Variants in CD226 observed in about 807,000 individuals in gnomAD.
CD226 encodes the protein CD226 antigen.
CD226 carries 24 observed loss-of-function variants against 34.9 expected under a neutral mutation model. That is an observed-to-expected ratio of 0.69 (90% CI 0.50 to 0.97). The LOEUF (loss-of-function observed/expected upper bound fraction) is 0.97, where lower values mean the gene tolerates loss of function less well. CD226 is among the 50% of genes least tolerant of loss of function. The pLI is 0.00. For synonymous variants in CD226, 148 were observed against 147.4 expected (o/e 1.00, Z -0.03); for missense variants, 397 against 412.7 (o/e 0.96, Z 0.33).
intron 2 of CD226, among the ~76,000 whole-genome samples, chr18:69,942,088 A>G (rs1481933693): frequency 6.6e-6 from 1 of 152,176 alleles, no homozygotes; most frequent in Admixed American, 6.5e-5. Flanking sequence ...CCTTTTCACC[A>G]TGATTGTACG....
chr18:69,900,681 G>A (rs1259821452), intron 2 of CD226, among the ~76,000 whole-genome samples: 14 of 146,298 alleles, frequency 9.6e-5, no homozygotes, highest in African/African-American at 2.8e-4. Flanking sequence ...GCAGTGAGCC[G>A]AGATTGCGCC....
chr18:69,872,057 GGTGTGTGT>G (rs201644137), intron 4 of CD226, among the ~76,000 whole-genome samples: 13 of 143,520 alleles, frequency 9.1e-5, no homozygotes, highest in South Asian at 6.8e-4. Flanking sequence ...ATTAACAAGG[GGTGTGTGT>G]GTGTGTGTGT....
At position 69,880,357 on chromosome 18, in the gene CD226, A is replaced by AAGGAAGGAAGGAAGGAAGG. The variant is rs34896747; in HGVS notation, c.728-7112_728-7111insCCTTCCTTCCTTCCTTCCT. On this transcript the variant is annotated intron_variant, in intron 3 of 5. Coordinates refer to ENST00000582621, the MANE Select transcript of CD226 (RefSeq NM_001303618.2). ...GAAAGAAAGAAAGAAAGAAAGAAAG[A>AAGGAAGGAAGGAAGGAAGG]AAGGAAGGAAGGAAGGAAGGAAGGG... 1.2e-3 allele frequency among the ~76,000 whole-genome samples: 112 copies of AAGGAAGGAAGGAAGGAAGG among 89,648 alleles called. 1 individual carries two copies. The highest frequency in any genetic ancestry group is 6.6e-3 in the South Asian group (15 of 2,272). 58.8% of individuals were successfully genotyped at this position (89,648 alleles called of 152,430 possible).
intron 3 of CD226, among the ~76,000 whole-genome samples, chr18:69,876,990 A>C (rs1983912760): frequency 6.7e-6 from 1 of 148,470 alleles, no homozygotes; most frequent in South Asian, 2.1e-4. Context: ...CAGCCTCCTG[A>C]GTAGCTGGGA....
chr18:69,867,801 A>G (rs1471133516), intron 4 of CD226, among the ~76,000 whole-genome samples: 3 of 151,274 alleles, frequency 2.0e-5, no homozygotes, highest in Non-Finnish European at 4.4e-5. Flanking sequence ...CTTGGATGAC[A>G]ATATAATGAA....
chr18:69,889,991 T>C (rs986922542), intron 3 of CD226, among the ~76,000 whole-genome samples: 1 of 152,240 alleles, frequency 6.6e-6, no homozygotes, highest in African/African-American at 2.4e-5. Context: ...CTGAAAGTTA[T>C]ATATGTAAAC....
At chr18:69,868,301 A>G (rs756117296) in intron 4 of CD226, among the ~76,000 whole-genome samples, 19 of 152,224 alleles carry the variant, frequency 1.2e-4, no homozygotes, top group Non-Finnish European at 2.6e-4. Flanking sequence ...TGTTAGATAC[A>G]GAAGATACAG....
chr18:69,913,037 G>T (rs2055344173), intron 2 of CD226, among the ~76,000 whole-genome samples: 1 of 152,130 alleles, frequency 6.6e-6, no homozygotes, highest in Admixed American at 6.5e-5. Flanking sequence ...ATGACACTCT[G>T]CTTATTATGA....
At chr18:69,898,834 CT>C (rs1402045103) in intron 2 of CD226, among the ~76,000 whole-genome samples, 1 of 152,136 alleles carries the variant, frequency 6.6e-6, no homozygotes, top group Non-Finnish European at 1.5e-5. Flanking sequence ...TTGAAAAGAA[CT>C]GCCAGAAAGA....
chr18:69,947,720 G>A lies in CD226; in HGVS notation c.-314C>T, dbSNP rs540115468. 4.7e-5 allele frequency: 11 copies of A among 235,408 alleles called. No homozygotes were observed. In the East Asian group the frequency reaches 8.5e-4, roughly 18 times the overall value. The allele number at this position is 235,408 out of a possible 1,614,324, so 14.6% of individuals were successfully genotyped here. A position where few individuals can be genotyped will look rare whatever the true frequency, so the allele number is the denominator to read the frequency against. Reference sequence around the variant, plus strand: ...TGCATTCTCTGTGCCTAACTCAGCTGTAGGCAATGAGGATACAATAATACA... The same window carrying A: ...TGCATTCTCTGTGCCTAACTCAGCTATAGGCAATGAGGATACAATAATACA... On this transcript the variant is annotated 5_prime_UTR_variant, in exon 1 of 6. Coordinates refer to ENST00000582621, the MANE Select transcript of CD226 (RefSeq NM_001303618.2).
chr18:69,891,288 T>TA (rs34082832), intron 3 of CD226, among the ~76,000 whole-genome samples: 29,634 of 146,040 alleles, frequency 0.2, 3,524 homozygotes, highest in African/African-American at 0.35. Context: ...CTTGTGTGAT[T>TA]AAAAAAAAAA....
intron 1 of CD226, among the ~76,000 whole-genome samples, chr18:69,954,868 G>C (rs2055883488): frequency 6.6e-6 from 1 of 152,148 alleles, no homozygotes; most frequent in Non-Finnish European, 1.5e-5. Flanking sequence ...TCTAACCAAA[G>C]ACAAATAGAG....
rs373478897 is a variant in CD226 at position 69,857,516 on chromosome 18, T to A, written c.*6798A>T. The A allele has an allele frequency of 3.7e-4, 56 of 152,326 alleles. No individual in the cohort carries two copies. The East Asian group carries it at 7.3e-3, about 20-fold the overall frequency. The allele number at this position is 152,326 out of a possible 1,614,324, so 9.4% of individuals were successfully genotyped here. ...ACTTTTGGATACCTGGCATAAAGGA[T>A]GTAATGAATACATGATTGAATAAGG... On this transcript the variant is annotated 3_prime_UTR_variant, in exon 6 of 6. Coordinates refer to ENST00000582621, the MANE Select transcript of CD226 (RefSeq NM_001303618.2).
In CD226 at chr18:69,854,215, T is replaced by C. The variant is rs566084388; in HGVS notation, c.*10099A>G. On this transcript the variant is annotated 3_prime_UTR_variant, in exon 6 of 6. Transcript: ENST00000582621. ...TATTAGACCTATTAGAGAACCAAGG[T>C]CCTGAGCAAACTGCCACCCCAAAAT... The C allele has an allele frequency of 5.9e-5, 9 of 152,272 alleles. No homozygotes were observed. The East Asian group carries it at 1.7e-3, about 29-fold the overall frequency. 9.4% of individuals were successfully genotyped at this position (152,272 alleles called of 1,614,324 possible).
Position 69,906,112 on chromosome 18 carries a change from A to G in CD226, c.383-10067T>C, listed in dbSNP as rs150642781. 1.1e-3 allele frequency among the ~76,000 whole-genome samples: 170 copies of G among 152,316 alleles called. 1 individual carries two copies. Among genetic ancestry groups the G allele is most frequent in the African/African-American group, 3.9e-3 (162 of 41,558 alleles). On this transcript the variant is annotated intron_variant, in intron 2 of 5. Coordinates refer to ENST00000582621, the MANE Select transcript of CD226 (RefSeq NM_001303618.2). ...TTCCAGATGGCTTTGTGGAGAACAA[A>G]TAAGTACCATTTGTGATGCATGACA...
intron 2 of CD226, among the ~76,000 whole-genome samples, chr18:69,900,123 T>C (rs1353405267): frequency 6.6e-6 from 1 of 152,212 alleles, no homozygotes; most frequent in Non-Finnish European, 1.5e-5. Context: ...AGATCATATG[T>C]TTTGTGGGAA....
upstream of CD226, among the ~76,000 whole-genome samples, chr18:69,961,214 T>C (rs1271353852): frequency 2.0e-5 from 3 of 152,178 alleles, no homozygotes; most frequent in Non-Finnish European, 2.9e-5. Flanking sequence ...CCTCAAGAAT[T>C]TGTAGGATTT....
At position 69,869,619 on chromosome 18, in the gene CD226, T is replaced by C. The variant is rs1043079635; in HGVS notation, c.831-2208A>G. Among the ~76,000 whole-genome samples the C allele has an allele frequency of 6.6e-5, 10 of 152,188 alleles. No individual in the cohort carries two copies. The South Asian group carries it at 2.1e-3, about 32-fold the overall frequency. ...AAACCCCATGACACATGTTTGCCTATGTAACAAACCTGCACATCCTGCACA... is the reference window on the plus strand; with the variant it reads ...AAACCCCATGACACATGTTTGCCTACGTAACAAACCTGCACATCCTGCACA... On this transcript the variant is annotated intron_variant, in intron 4 of 5. Coordinates refer to ENST00000582621, the MANE Select transcript of CD226 (RefSeq NM_001303618.2).
chr18:69,890,193 G>A (rs17208112), intron 3 of CD226, among the ~76,000 whole-genome samples: 30,696 of 152,154 alleles, frequency 0.2, 3,736 homozygotes, highest in Middle Eastern at 0.38. Context: ...TAACATAATC[G>A]GTCAAGAACA....
Sources: allele counts gnomAD v4.1 joint callset (sites outside exome capture counted in the v4.1 genomes callset), GRCh38; gene constraint gnomAD v4.1.1; transcripts MANE v1.5; gene names NCBI Gene and HGNC (gene_info 2026-07-23, HGNC 2026-07-21).